The following HECA variants were observed in gnomAD, a reference collection of about 807,000 sequenced individuals.
HECA encodes headcase protein homolog.
A neutral mutation model predicts 37.6 loss-of-function variants in HECA; 13 were observed. The observed-to-expected ratio is 0.35, with a 90% confidence interval of 0.23 to 0.55. HECA has a LOEUF of 0.55. Ranked by LOEUF, HECA falls within the 20% of genes least tolerant of loss-of-function variation. HECA has a pLI of 0.90. For synonymous variants in HECA, 307 were observed against 291.5 expected (o/e 1.05, Z -0.54); for missense variants, 527 against 701.9 (o/e 0.75, Z 2.82).
Position 139,176,822 on chromosome 6 carries a change from T to G in HECA, c.1468-119T>G, listed in dbSNP as rs2114499922. ...GTATACCCCGTTTCCATGTTTTTGGTAGTAAAAGGGATGCTTTGCAAAGCC... is the reference window on the plus strand; with the variant it reads ...GTATACCCCGTTTCCATGTTTTTGGGAGTAAAAGGGATGCTTTGCAAAGCC... On this transcript the variant is annotated intron_variant, in intron 3 of 3. Coordinates refer to ENST00000367658, the MANE Select transcript of HECA (RefSeq NM_016217.3). The surrounding 1 kb of genome is among the most constrained non-coding windows in gnomAD (Gnocchi z 4.5). The G allele has an allele frequency of 7.5e-6, 5 of 663,546 alleles. No homozygotes were observed. The East Asian group carries it at 1.4e-4, about 18-fold the overall frequency. The allele number at this position is 663,546 out of a possible 1,614,324, so 41.1% of individuals were successfully genotyped here. A position where few individuals can be genotyped will look rare whatever the true frequency, so the allele number is the denominator to read the frequency against.
At chr6:139,146,183 T>C (rs938520541) in intron 1 of HECA, among the ~76,000 whole-genome samples, 2 of 152,250 alleles carry the variant, frequency 1.3e-5, no homozygotes, top group Non-Finnish European at 2.9e-5. Flanking sequence ...CCTTAAGATT[T>C]ATTCCTTCAT....
chr6:139,139,718 G>A (rs1774491378), intron 1 of HECA, among the ~76,000 whole-genome samples: 1 of 152,234 alleles, frequency 6.6e-6, no homozygotes, highest in South Asian at 2.1e-4. Context: ...CCAACTCCCA[G>A]TTGACTGGTC....
In HECA at chr6:139,165,403, A is replaced by G. The variant is rs531016828; in HGVS notation, c.272-881A>G. On this transcript the variant is annotated intron_variant, in intron 1 of 3. Coordinates refer to ENST00000367658, the MANE Select transcript of HECA (RefSeq NM_016217.3). ...TTACAATTGATGAACCTACATTTAC[A>G]CATCATTGTCATTTAATTTCATAGT... Among the ~76,000 whole-genome samples the G allele has an allele frequency of 2.0e-5, 3 of 152,220 alleles. No homozygotes were observed. The East Asian group carries it at 5.8e-4, about 29-fold the overall frequency.
At position 139,135,260 on chromosome 6, in the gene HECA, G is replaced by A; in HGVS notation, c.-137G>A. On this transcript the variant is annotated 5_prime_UTR_variant, in exon 1 of 4. It removes the in-frame stop codon of an upstream open reading frame in the 5' UTR. Coordinates refer to ENST00000367658, the MANE Select transcript of HECA (RefSeq NM_016217.3). ...TGGCGCGGCACGGGCCGTGCGGCTA[G>A]ACGGGAGCCGAGGGAACCGCCGGCT... 9.0e-6 allele frequency: 6 copies of A among 667,822 alleles called. No homozygotes were observed. Among genetic ancestry groups the A allele is most frequent in the Non-Finnish European group, 1.2e-5 (6 of 512,192 alleles). 41.4% of individuals were successfully genotyped at this position (667,822 alleles called of 1,614,324 possible).
intron 1 of HECA, among the ~76,000 whole-genome samples, chr6:139,142,643 G>T (rs928740920): frequency 1.3e-5 from 2 of 152,076 alleles, no homozygotes; most frequent in Admixed American, 1.3e-4. Flanking sequence ...TTAAAACAGA[G>T]ATTTTAAAAA....
At chr6:139,165,235 CTTTTATTTCTCATTTTA>C (rs973425434) in intron 1 of HECA, among the ~76,000 whole-genome samples, 3 of 152,214 alleles carry the variant, frequency 2.0e-5, no homozygotes, top group Admixed American at 1.3e-4. Flanking sequence ...CATACATGTC[CTTTTATTTCTCATTTTA>C]AAAAAACAGA....
intron 2 of HECA, among the ~76,000 whole-genome samples, 174 bp downstream of exon 2, chr6:139,167,498 T>C (rs1199468136): frequency 9.9e-5 from 15 of 152,226 alleles, no homozygotes; most frequent in Admixed American, 9.2e-4. Context: ...GATTTTTTAC[T>C]CTGATGTCAC....
At chr6:139,145,042 A>T (rs1192194521) in intron 1 of HECA, among the ~76,000 whole-genome samples, 1 of 152,222 alleles carries the variant, frequency 6.6e-6, no homozygotes, top group African/African-American at 2.4e-5. Context: ...CCTAGGTAGA[A>T]AGTGTATATC....
chr6:139,151,381 A>G (rs577288199), intron 1 of HECA: 4 of 152,358 alleles, frequency 2.6e-5, no homozygotes, highest in South Asian at 2.1e-4. Flanking sequence ...ATTTAAATAC[A>G]GTAGTCTTAA....
chr6:139,149,934 A>T (rs1013425830), intron 1 of HECA, among the ~76,000 whole-genome samples: 1 of 152,210 alleles, frequency 6.6e-6, no homozygotes, highest in South Asian at 2.1e-4. Flanking sequence ...AGCAGAGTCC[A>T]CTTAGATTTT....
Position 139,146,871 on chromosome 6 carries a change from A to T in HECA, c.271+11204A>T, listed in dbSNP as rs762908649. On this transcript the variant is annotated intron_variant, in intron 1 of 3. Transcript: ENST00000367658. ...GGTAATGATACAGTTCCACTGTGTT[A>T]GGCATATAGTTTTAGTAGTGAAGGT... Among the ~76,000 whole-genome samples, 12 of 152,188 alleles carry T rather than the reference A, an allele frequency of 7.9e-5. No homozygotes were observed. In the South Asian group the frequency reaches 2.5e-3, roughly 31 times the overall value.
intron 1 of HECA, chr6:139,153,152 T>C (rs1485434528): frequency 6.6e-6 from 1 of 152,206 alleles, no homozygotes; most frequent in Non-Finnish European, 1.5e-5. Flanking sequence ...TTTCTGAATG[T>C]GTGTATGATG....
chr6:139,138,248 CAA>C (rs1288738626), intron 1 of HECA, among the ~76,000 whole-genome samples: 2 of 152,034 alleles, frequency 1.3e-5, no homozygotes, highest in East Asian at 3.8e-4. Context: ...CGTAAATTCT[CAA>C]AATCAACTAA....
intron 1 of HECA, among the ~76,000 whole-genome samples, chr6:139,148,770 A>G: frequency 6.6e-6 from 1 of 152,048 alleles, no homozygotes; most frequent in East Asian, 1.9e-4. Flanking sequence ...TGTCTCCAAA[A>G]AAAAAAAATT....
intron 2 of HECA, among the ~76,000 whole-genome samples, chr6:139,173,147 C>G (rs1774998970): frequency 6.6e-6 from 1 of 152,138 alleles, no homozygotes; most frequent in South Asian, 2.1e-4. Context: ...CATGTGAGAC[C>G]CTTTTATTTT....
intron 2 of HECA, among the ~76,000 whole-genome samples, chr6:139,170,978 CTT>C (rs905808612): frequency 6.6e-6 from 1 of 151,886 alleles, no homozygotes; most frequent in African/African-American, 2.4e-5. Context: ...ACAAAATTCA[CTT>C]TGTTTCTAGA....
chr6:139,147,400 T>C (rs1420637396), intron 1 of HECA, among the ~76,000 whole-genome samples: 1 of 151,878 alleles, frequency 6.6e-6, no homozygotes. Context: ...CTGAGGTGGG[T>C]GAAACACTTG....
chr6:139,163,593 A>T (rs2114466978), intron 1 of HECA, among the ~76,000 whole-genome samples: 1 of 152,132 alleles, frequency 6.6e-6, no homozygotes, highest in South Asian at 2.1e-4. Context: ...ACCTCAGGTG[A>T]TCCACCCGCC....
rs1356186163 is a variant in HECA at position 139,177,401 on chromosome 6, A to T, written c.*296A>T. 4.7e-6 allele frequency: 1 copy of T among 213,966 alleles called. No homozygotes were observed. Among genetic ancestry groups the T allele is most frequent in the Non-Finnish European group, 9.2e-6 (1 of 108,310 alleles). The allele number at this position is 213,966 out of a possible 1,614,324, so 13.3% of individuals were successfully genotyped here. ...GTGGGGAGGATGGGGTGAATTTAGG[A>T]AAGGAATTTGTGGTTATAAACTAAG... is the stretch of plus-strand genomic sequence containing the variant. On this transcript the variant is annotated 3_prime_UTR_variant, in exon 4 of 4. Coordinates refer to ENST00000367658, the MANE Select transcript of HECA (RefSeq NM_016217.3). The surrounding 1 kb of genome is among the most constrained non-coding windows in gnomAD (Gnocchi z 4.9).
Sources: gnomAD v4.1 joint callset for allele counts (sites outside exome capture counted in the v4.1 genomes callset) on GRCh38, gnomAD v4.1.1 for gene constraint, Gnocchi (gnomAD v3.1) non-coding constraint, MANE v1.5 for transcripts, NCBI Gene and HGNC (gene_info 2026-07-23, HGNC 2026-07-21) for gene names.